TAS2R1: variants seen among roughly 807,000 people sequenced by gnomAD.
TAS2R1 encodes the protein taste 2 receptor member 1.
For synonymous variants in TAS2R1, 141 were observed against 134.2 expected (o/e 1.05, Z -0.35); for missense variants, 370 against 353.4 (o/e 1.05, Z -0.38).
the TAS2R1 span, among the ~76,000 whole-genome samples, chr5:9,798,341 CA>C: frequency 2.0e-5 from 3 of 150,962 alleles, no homozygotes; most frequent in Admixed American, 2.0e-4. Context: ...TGTAAATTTA[CA>C]AAAAAAATTG....
chr5:9,900,809 G>A, the TAS2R1 span, among the ~76,000 whole-genome samples: 11 of 151,936 alleles, frequency 7.2e-5, no homozygotes, highest in Non-Finnish European at 1.5e-4. Context: ...ATTTTTAGTA[G>A]AGACGGGGTT....
At chr5:9,711,996 A>G (rs1734689005) in intron 1 of TAS2R1, among the ~76,000 whole-genome samples, 1 of 125,530 alleles carries the variant, frequency 8.0e-6, no homozygotes, top group Non-Finnish European at 1.6e-5. Flanking sequence ...TTTTCACCAC[A>G]ACAAAAGAGA....
the TAS2R1 span, among the ~76,000 whole-genome samples, chr5:9,859,950 T>C: frequency 2.6e-5 from 4 of 152,234 alleles, no homozygotes; most frequent in Admixed American, 6.5e-5. Flanking sequence ...TGCATTGTTG[T>C]AAAATATTAA....
chr5:9,632,382 A>T (rs1053882746), upstream of TAS2R1, among the ~76,000 whole-genome samples: 11 of 152,192 alleles, frequency 7.2e-5, no homozygotes, highest in African/African-American at 2.7e-4. Context: ...CTGCTGACTG[A>T]TCAGGCTGGT....
At chr5:9,882,786 C>A in the TAS2R1 span, among the ~76,000 whole-genome samples, 1 of 152,040 alleles carries the variant, frequency 6.6e-6, no homozygotes, top group South Asian at 2.1e-4. Flanking sequence ...GACCTGGAAC[C>A]AGAAATATCA....
At chr5:9,861,291 G>C in the TAS2R1 span, among the ~76,000 whole-genome samples, 1 of 151,804 alleles carries the variant, frequency 6.6e-6, no homozygotes, top group East Asian at 1.9e-4. Context: ...CCCACGCACG[G>C]ATCACTTTAC....
chr5:9,789,626 A>T, the TAS2R1 span, among the ~76,000 whole-genome samples: 1,410 of 152,342 alleles, frequency 9.3e-3, 29 homozygotes, highest in African/African-American at 0.033. Context: ...TACCAGATGC[A>T]TGAATCGATC....
chr5:9,727,673 C>G, the TAS2R1 span, among the ~76,000 whole-genome samples: 1 of 152,196 alleles, frequency 6.6e-6, no homozygotes, highest in Non-Finnish European at 1.5e-5. Context: ...CTCAGAGGTG[C>G]TGACAAGGAG....
chr5:9,833,367 G>A, the TAS2R1 span, among the ~76,000 whole-genome samples: 1 of 152,090 alleles, frequency 6.6e-6, no homozygotes, highest in Admixed American at 6.6e-5. Flanking sequence ...GTGATTTTGG[G>A]GTCCCAAGAT....
At chr5:9,665,021 T>C (rs1303222092) in intron 1 of TAS2R1, among the ~76,000 whole-genome samples, 1 of 152,208 alleles carries the variant, frequency 6.6e-6, no homozygotes, top group African/African-American at 2.4e-5. Flanking sequence ...TTTCTCATAG[T>C]TCTGCCAGTC....
intron 1 of TAS2R1, among the ~76,000 whole-genome samples, chr5:9,686,751 A>C (rs571140240): frequency 3.3e-5 from 5 of 152,292 alleles, no homozygotes; most frequent in African/African-American, 1.2e-4. Context: ...TGGCTGCCAA[A>C]ATTTTCTTTT....
the TAS2R1 span, among the ~76,000 whole-genome samples, chr5:9,738,167 A>G: frequency 6.6e-6 from 1 of 152,154 alleles, no homozygotes; most frequent in Admixed American, 6.5e-5. Flanking sequence ...TCTCTTCAGG[A>G]TAAACTAGCA....
chr5:9,738,196 G>A, the TAS2R1 span, among the ~76,000 whole-genome samples: 3 of 152,074 alleles, frequency 2.0e-5, no homozygotes, highest in Non-Finnish European at 4.4e-5. Context: ...TAATTCCCAG[G>A]AAATTATACT....
intron 1 of TAS2R1, among the ~76,000 whole-genome samples, chr5:9,668,291 G>A (rs1027859935): frequency 6.6e-6 from 1 of 152,264 alleles, no homozygotes; most frequent in Non-Finnish European, 1.5e-5. Flanking sequence ...ATTCTCACTG[G>A]CATCCCTGAA....
chr5:9,771,246 A>G, the TAS2R1 span, among the ~76,000 whole-genome samples: 1 of 152,062 alleles, frequency 6.6e-6, no homozygotes, highest in African/African-American at 2.4e-5. Flanking sequence ...AGATTTTGGC[A>G]AAGTTTTTTC....
chr5:9,736,517 CT>C, the TAS2R1 span, among the ~76,000 whole-genome samples: 1 of 152,212 alleles, frequency 6.6e-6, no homozygotes, highest in Non-Finnish European at 1.5e-5. Flanking sequence ...ATGTTCTACA[CT>C]TTCTCCCAGA....
intron 1 of TAS2R1, among the ~76,000 whole-genome samples, chr5:9,703,452 T>C (rs1035859150): frequency 3.3e-5 from 5 of 152,164 alleles, no homozygotes; most frequent in African/African-American, 1.2e-4. Flanking sequence ...GCCTGTACTC[T>C]GTAGAGCGTC....
chr5:9,765,187 T>C, the TAS2R1 span, among the ~76,000 whole-genome samples: 7 of 152,120 alleles, frequency 4.6e-5, no homozygotes, highest in African/African-American at 1.4e-4. Flanking sequence ...AGCAGATGGC[T>C]CTTCTATAAT....
At chr5:9,796,011 A>G in the TAS2R1 span, among the ~76,000 whole-genome samples, 1 of 152,174 alleles carries the variant, frequency 6.6e-6, no homozygotes, top group Non-Finnish European at 1.5e-5. Context: ...ACTTGTCTGC[A>G]GGCAAATAGA....
Sources: gnomAD v4.1 joint callset for allele counts (sites outside exome capture counted in the v4.1 genomes callset) on GRCh38, gnomAD v4.1.1 for gene constraint, MANE v1.5 for transcripts, NCBI Gene and HGNC (gene_info 2026-07-23, HGNC 2026-07-21) for gene names.